Variants in PLAA observed in about 807,000 individuals in gnomAD.
PLAA encodes the protein phospholipase A2 activating protein, also known as phospholipase A-2-activating protein.
A neutral mutation model predicts 84.1 loss-of-function variants in PLAA; 48 were observed. That is an observed-to-expected ratio of 0.57 (90% CI 0.45 to 0.73). The LOEUF (loss-of-function observed/expected upper bound fraction) is 0.73. Among genes scored for constraint, PLAA ranks in the 30% least tolerant of loss-of-function variants. The probability of loss-of-function intolerance (pLI) is 0.00; values close to 1 mark genes in which losing one functional copy is unlikely to be tolerated. For synonymous variants in PLAA, 392 were observed against 336.6 expected, an observed-to-expected ratio of 1.16 and a Z score of -1.80; for missense variants, 903 against 954.7, an observed-to-expected ratio of 0.95 and a Z score of 0.71.
chr9:26,920,331 A>G lies in PLAA; in HGVS notation c.1093T>C (p.Tyr365His). ...LIRDGEKVEA[Y>H]QWSVSEGRWI... ...CTCCCTTCACTAACACTCCACTGAT[A>G]GGCTTCGACTTTCTCCCCATCTCTG... The change falls in exon 8 of 14, where the codon TAT (tyrosine) becomes CAT (histidine). Residue 365 changes from tyrosine to histidine, a missense_variant. By Grantham distance (83) the Tyr-to-His change is moderately conservative (BLOSUM62 2). Coordinates refer to ENST00000397292, the MANE Select transcript of PLAA (RefSeq NM_001031689.3). The G allele has an allele frequency of 1.2e-6, 2 of 1,613,520 alleles. No homozygotes were observed. Among genetic ancestry groups the G allele is most frequent in the Non-Finnish European group, 8.5e-7 (1 of 1,179,494 alleles).
At chr9:26,941,549 G>A (rs898019685) in intron 1 of PLAA, among the ~76,000 whole-genome samples, 2 of 152,086 alleles carry the variant, frequency 1.3e-5, no homozygotes, top group African/African-American at 4.8e-5. Flanking sequence ...CCAGACATCT[G>A]GGGAAAGCCT....
chr9:26,910,206 G>C (rs1563905557), intron 12 of PLAA, 132 bp downstream of exon 12: 4 of 613,140 alleles, frequency 6.5e-6, no homozygotes, highest in South Asian at 6.0e-5. Flanking sequence ...GGACACAGTT[G>C]TTTAATACTG....
chr9:26,916,193 C>G lies in PLAA; in HGVS notation c.1486+904G>C, dbSNP rs537629181. ...TTGTATGTTTGTCCAATCTCTATGACTTAGAGAGGACTGTAGGTTGTCATT... is the reference window on the plus strand; with the variant it reads ...TTGTATGTTTGTCCAATCTCTATGAGTTAGAGAGGACTGTAGGTTGTCATT... On this transcript the variant is annotated intron_variant, in intron 10 of 13. Transcript: ENST00000397292. The G allele has an allele frequency of 4.9e-5, 48 of 985,386 alleles. No homozygotes were observed. The Admixed American group carries it at 1.4e-3, about 28-fold the overall frequency. 61.0% of individuals were successfully genotyped at this position (985,386 alleles called of 1,614,324 possible).
intron 1 of PLAA, among the ~76,000 whole-genome samples, chr9:26,945,985 T>C (rs1378536840): frequency 6.6e-6 from 1 of 152,246 alleles, no homozygotes; most frequent in Non-Finnish European, 1.5e-5. Flanking sequence ...CCCATCAGAC[T>C]GTAAGAAAGC....
rs1262410368 is a variant in PLAA, at chr9:26,906,086, A to G, written c.1823-10T>C. On this transcript the variant is annotated splice_polypyrimidine_tract_variant and intron_variant, in intron 13 of 13. Transcript: ENST00000397292. ...GCAGGAAAGACAATATCTATTAAAA[A>G]AAAAAAGTCATTAATGCTTATGAAA... 1 of 1,451,580 alleles carries G rather than the reference A, an allele frequency of 6.9e-7. No homozygotes were observed. The highest frequency in any genetic ancestry group is 9.1e-7 in the Non-Finnish European group (1 of 1,096,258). 89.9% of individuals were successfully genotyped at this position (1,451,580 alleles called of 1,614,324 possible). A position where few individuals can be genotyped will look rare whatever the true frequency, so the allele number is the denominator to read the frequency against.
chr9:26,910,035 C>A (rs1257803586), intron 12 of PLAA, among the ~76,000 whole-genome samples: 1 of 152,152 alleles, frequency 6.6e-6, no homozygotes, highest in African/African-American at 2.4e-5. Context: ...CATTCATATT[C>A]ATTAATTTTT....
chr9:26,908,959 T>G (rs1167283140), intron 12 of PLAA, among the ~76,000 whole-genome samples: 2 of 152,244 alleles, frequency 1.3e-5, no homozygotes, highest in African/African-American at 2.4e-5. Flanking sequence ...TATGACTTAG[T>G]TCCATATGCA....
chr9:26,916,560 A>T (rs1824567145), intron 10 of PLAA: 1 of 987,006 alleles, frequency 1.0e-6, no homozygotes, highest in South Asian at 4.7e-5. Flanking sequence ...TTCCATGTTA[A>T]GTCAAAATAT....
intron 2 of PLAA, among the ~76,000 whole-genome samples, chr9:26,928,817 G>T (rs1409994412): frequency 6.6e-6 from 1 of 152,224 alleles, no homozygotes; most frequent in Admixed American, 6.5e-5. Flanking sequence ...AAAACCTGCA[G>T]CCAAGCTCAA....
At chr9:26,940,183 A>T (rs905525853) in intron 1 of PLAA, among the ~76,000 whole-genome samples, 8 of 152,256 alleles carry the variant, frequency 5.3e-5, no homozygotes, top group Admixed American at 5.2e-4. Flanking sequence ...TGAAAGCAGG[A>T]TCTTAAAGAG....
chr9:26,926,837 C>T (rs955964546), intron 4 of PLAA, among the ~76,000 whole-genome samples: 2 of 151,760 alleles, frequency 1.3e-5, no homozygotes, highest in African/African-American at 4.8e-5. Context: ...TTTGTTTTCA[C>T]CTGAAAATTC....
At chr9:26,916,240 C>A (rs976833832) in intron 10 of PLAA, 2 of 985,240 alleles carry the variant, frequency 2.0e-6, no homozygotes, top group African/African-American at 1.7e-5. Flanking sequence ...CAGTACCAGT[C>A]TGCAAGGCCA....
intron 2 of PLAA, among the ~76,000 whole-genome samples, 196 bp downstream of exon 2, chr9:26,934,817 T>C (rs373909504): frequency 5.3e-4 from 81 of 152,284 alleles, no homozygotes; most frequent in African/African-American, 1.7e-3. Flanking sequence ...TATAAGCATA[T>C]CAACCTTTAC....
At chr9:26,944,092 C>T (rs576713945) in intron 1 of PLAA, among the ~76,000 whole-genome samples, 3 of 152,202 alleles carry the variant, frequency 2.0e-5, no homozygotes, top group South Asian at 4.1e-4. Context: ...AGGGTTCTGC[C>T]GCCATGAATA....
chr9:26,927,270 A>T (rs891595705), intron 4 of PLAA, among the ~76,000 whole-genome samples: 3 of 151,728 alleles, frequency 2.0e-5, no homozygotes, highest in Non-Finnish European at 4.4e-5. Flanking sequence ...ACAGGTGTGC[A>T]TCACCACTCC....
At chr9:26,930,829 C>A (rs746189367) in intron 2 of PLAA, among the ~76,000 whole-genome samples, 6 of 151,720 alleles carry the variant, frequency 4.0e-5, no homozygotes, top group Non-Finnish European at 7.4e-5. Context: ...GTGATCCACC[C>A]ACCTCGGCCT....
At chr9:26,938,615 G>C (rs796823357) in intron 1 of PLAA, among the ~76,000 whole-genome samples, 80 of 143,940 alleles carry the variant, frequency 5.6e-4, no homozygotes, top group Admixed American at 1.9e-3. Context: ...CTCCCTGTAA[G>C]AAATGCTTAA....
intron 2 of PLAA, among the ~76,000 whole-genome samples, chr9:26,930,179 A>G (rs1367909972): frequency 6.8e-6 from 1 of 147,736 alleles, no homozygotes; most frequent in South Asian, 2.2e-4. Context: ...ATCTCGGCTC[A>G]CCGCAAGCTC....
intron 1 of PLAA, among the ~76,000 whole-genome samples, chr9:26,945,384 T>A (rs1191358145): frequency 2.0e-5 from 3 of 152,210 alleles, no homozygotes; most frequent in Non-Finnish European, 4.4e-5. Flanking sequence ...AGGCAAAAAC[T>A]TAATAACTGT....
Sources: allele counts gnomAD v4.1 joint callset (sites outside exome capture counted in the v4.1 genomes callset), GRCh38; gene constraint gnomAD v4.1.1; transcripts MANE v1.5; gene names NCBI Gene and HGNC (gene_info 2026-07-23, HGNC 2026-07-21).